The following DLEC1 variants were observed in gnomAD, a reference collection of about 807,000 sequenced individuals.
The protein encoded by DLEC1 is DLEC1 cilia and flagella associated protein.
In DLEC1, 146 loss-of-function variants were observed where a neutral mutation model predicts 198.1. That is an observed-to-expected ratio of 0.74 (90% CI 0.64 to 0.85). DLEC1 has a LOEUF of 0.85. Ranked by LOEUF, DLEC1 falls within the 40% of genes least tolerant of loss-of-function variation. The pLI, the probability that DLEC1 is intolerant of heterozygous loss-of-function variation, is 0.00. For synonymous variants in DLEC1, 897 were observed against 866.8 expected, an observed-to-expected ratio of 1.03 and a Z score of -0.61; for missense variants, 2,233 against 2,220.0, an observed-to-expected ratio of 1.01 and a Z score of -0.12.
chr3:38,106,691 G>A (rs1356357581), intron 19 of DLEC1, among the ~76,000 whole-genome samples: 1 of 150,618 alleles, frequency 6.6e-6, no homozygotes, highest in Non-Finnish European at 1.5e-5. Context: ...AGGAGGCAGA[G>A]GTTGCAGTGA....
chr3:38,104,741 CT>C (rs1413025792), intron 19 of DLEC1, among the ~76,000 whole-genome samples: 1 of 152,150 alleles, frequency 6.6e-6, no homozygotes, highest in Non-Finnish European at 1.5e-5. Context: ...AAAGAACCAG[CT>C]TTTGCTTTTG....
At chr3:38,115,582 GGA>G (rs1700111848) in intron 27 of DLEC1, among the ~76,000 whole-genome samples, 1 of 152,186 alleles carries the variant, frequency 6.6e-6, no homozygotes, top group Admixed American at 6.5e-5. Flanking sequence ...GAAAGGGTTA[GGA>G]GAGGAAGCTG....
intron 22 of DLEC1, chr3:38,109,778 G>T (rs1472202434): frequency 4.7e-6 from 4 of 854,686 alleles, no homozygotes; most frequent in Non-Finnish European, 5.3e-6. Context: ...CACACACTTG[G>T]AGGCGTGGTG....
At chr3:38,116,045 T>A (rs1209580040) in intron 27 of DLEC1, among the ~76,000 whole-genome samples, 3 of 151,926 alleles carry the variant, frequency 2.0e-5, no homozygotes, top group Non-Finnish European at 2.9e-5. Context: ...CCCCAAAGAC[T>A]AGTCTGCCTG....
At chr3:38,089,014 C>A (rs1016224417) in intron 10 of DLEC1, among the ~76,000 whole-genome samples, 1 of 152,180 alleles carries the variant, frequency 6.6e-6, no homozygotes, top group South Asian at 2.1e-4. Flanking sequence ...CCACTCTCCC[C>A]GACTCCTGGT....
Position 38,045,708 on chromosome 3 carries a change from C to T in DLEC1, c.562+15C>T. The T allele has an allele frequency of 6.3e-7, 1 of 1,597,964 alleles. No homozygotes were observed. Among genetic ancestry groups the T allele is most frequent in the Non-Finnish European group, 8.5e-7 (1 of 1,173,112 alleles). ...GTTGCCTCCAGGTGTGTATAAAGAA[C>T]TCCCACATGCCTGCCCAATTCCCGG... is the stretch of plus-strand genomic sequence containing the variant. On this transcript the variant is annotated intron_variant, in intron 2 of 36. Transcript: ENST00000308059.
chr3:38,122,436 C>T lies in DLEC1; in HGVS notation c.*24C>T. On this transcript the variant is annotated 3_prime_UTR_variant, in exon 37 of 37. Transcript: ENST00000308059. ...GAGGCTCCGCCCCAGCCCTCAGCCC[C>T]AGGCCCCAGCTGGAGAAAAAACATT... 1 of 1,614,172 alleles carries T rather than the reference C, an allele frequency of 6.2e-7. No individual in the cohort carries two copies. Among genetic ancestry groups the T allele is most frequent in the Non-Finnish European group, 8.5e-7 (1 of 1,180,038 alleles).
At position 38,112,360 on chromosome 3, in the gene DLEC1, C is replaced by T. The variant is rs1282059226; in HGVS notation, c.3665C>T (p.Thr1222Met). The T allele has an allele frequency of 9.9e-6, 16 of 1,613,928 alleles. No individual in the cohort carries two copies. The highest frequency in any genetic ancestry group is 1.6e-4 in the Middle Eastern group (1 of 6,082). Residue 1222 changes from threonine (T) to methionine (M), a missense_variant and splice_region_variant, in exon 25 of 37, where the codon ACG becomes ATG. Physicochemically the swap from Thr to Met is moderately conservative, Grantham distance 81. Coordinates refer to ENST00000308059, the MANE Select transcript of DLEC1 (RefSeq NM_007335.4). This position sits in a 1 kb window ranked among gnomAD's most constrained non-coding sequence, Gnocchi z 4.8. Reference protein sequence around the residue: ...WGEYWDNLICTVGDLLPEVIP... With the variant: ...WGEYWDNLICMVGDLLPEVIP... ...GAGTACTGGGACAACCTCATCTGCACGGTAAGGGTACACAAGAGGGCAGTG... is the reference window on the plus strand; with the variant it reads ...GAGTACTGGGACAACCTCATCTGCATGGTAAGGGTACACAAGAGGGCAGTG...
chr3:38,090,638 T>C (rs1698695144), intron 10 of DLEC1, among the ~76,000 whole-genome samples: 1 of 152,210 alleles, frequency 6.6e-6, no homozygotes. Context: ...GTCCTTGAAG[T>C]AGATTTGCTG....
intron 9 of DLEC1, among the ~76,000 whole-genome samples, chr3:38,087,830 C>T (rs970873333): frequency 2.6e-5 from 4 of 152,210 alleles, no homozygotes; most frequent in Admixed American, 2.6e-4. Context: ...CTGCAGCTCT[C>T]GTGCCTCAGG....
At chr3:38,047,120 C>G (rs1700919394) in intron 2 of DLEC1, among the ~76,000 whole-genome samples, 3 of 152,192 alleles carry the variant, frequency 2.0e-5, no homozygotes, top group Admixed American at 2.0e-4. Context: ...TTCTCCAAAT[C>G]AAATTATAAT....
At chr3:38,107,271 T>G (rs1236212990) in intron 19 of DLEC1, among the ~76,000 whole-genome samples, 1 of 152,218 alleles carries the variant, frequency 6.6e-6, no homozygotes, top group Non-Finnish European at 1.5e-5. Flanking sequence ...ATAAGCCACT[T>G]TGAAATAAGC....
Position 38,114,454 on chromosome 3 carries a change from C to A in DLEC1, c.3779C>A (p.Ala1260Asp). ...YTIDQAQKEP[A>D]MRFGTQVSGG... ...ATTGACCAGGCCCAGAAGGAACCAG[C>A]CATGAGGTGCTCCATGCTCAGCCTG... Residue 1260 changes from alanine (A) to aspartate (D), a missense_variant, in exon 26 of 37, where the codon GCC becomes GAC. By Grantham distance (126) the Ala-to-Asp change is moderately radical (BLOSUM62 -2). Coordinates refer to ENST00000308059, the MANE Select transcript of DLEC1 (RefSeq NM_007335.4). 6.2e-7 allele frequency: 1 copy of A among 1,614,032 alleles called. No individual in the cohort carries two copies. Among genetic ancestry groups the A allele is most frequent in the Middle Eastern group, 1.7e-4 (1 of 6,060 alleles).
At chr3:38,077,125 A>G (rs1697669070) in intron 6 of DLEC1, among the ~76,000 whole-genome samples, 1 of 152,252 alleles carries the variant, frequency 6.6e-6, no homozygotes, top group African/African-American at 2.4e-5. Context: ...TAGTCCTGCC[A>G]GCAAAGATTA....
intron 3 of DLEC1, 137 bp downstream of exon 3, chr3:38,059,989 G>C (rs1696596388): frequency 6.8e-6 from 5 of 738,950 alleles, no homozygotes; most frequent in Non-Finnish European, 1.1e-5. Context: ...TGACTGTTGG[G>C]AAAGTCAAAT....
At chr3:38,041,072 G>T (rs913571043) in intron 1 of DLEC1, among the ~76,000 whole-genome samples, 8 of 151,954 alleles carry the variant, frequency 5.3e-5, no homozygotes, top group Non-Finnish European at 1.2e-4. Context: ...AGTGCATGGC[G>T]CAATCTCAGC....
At chr3:38,103,375 A>G (rs562847209) in intron 19 of DLEC1, 1 of 152,390 alleles carries the variant, frequency 6.6e-6, no homozygotes, top group Admixed American at 6.5e-5. Context: ...CCCTCATTCC[A>G]TCATTAAGGA....
At chr3:38,115,162 C>T in intron 27 of DLEC1, 109 bp downstream of exon 27, 1 of 1,178,482 alleles carries the variant, frequency 8.5e-7, no homozygotes, top group South Asian at 1.4e-5. Context: ...GAACAGGACC[C>T]AGGTGTCCAG....
rs749612882 is a variant in DLEC1, at chr3:38,123,073, C to T, written c.*661C>T. 8 of 1,614,062 alleles carry T rather than the reference C, an allele frequency of 5.0e-6. No homozygotes were observed. The highest frequency in any genetic ancestry group is 6.8e-6 in the Non-Finnish European group (8 of 1,180,032). On this transcript the variant is annotated 3_prime_UTR_variant, in exon 37 of 37. Transcript: ENST00000308059. Reference sequence around the variant, plus strand: ...CAGTTCCCAGGGTATTCAAAGACGGCAGCGGCTCCCATTCCAGTCCCGATG... The same window carrying T: ...CAGTTCCCAGGGTATTCAAAGACGGTAGCGGCTCCCATTCCAGTCCCGATG...
Sources: allele counts gnomAD v4.1 joint callset (sites outside exome capture counted in the v4.1 genomes callset), GRCh38; gene constraint gnomAD v4.1.1; non-coding constraint Gnocchi (gnomAD v3.1); transcripts MANE v1.5; gene names NCBI Gene and HGNC (gene_info 2026-07-23, HGNC 2026-07-21).